CNTNAP5: variants seen among roughly 807,000 people sequenced by gnomAD.
CNTNAP5 encodes the protein contactin-associated protein-like 5.
In CNTNAP5, 72 loss-of-function variants were observed where a neutral mutation model predicts 150.2. That is an observed-to-expected ratio of 0.48 (90% CI 0.40 to 0.58). CNTNAP5 has a LOEUF of 0.58. Ranked by LOEUF, CNTNAP5 falls within the 20% of genes least tolerant of loss-of-function variation. The probability of loss-of-function intolerance (pLI) is 0.00; values close to 1 mark genes in which losing one functional copy is unlikely to be tolerated. For missense variants in CNTNAP5, 1,636 were observed against 1,626.2 expected (o/e 1.01, Z -0.10); for synonymous variants, 672 against 619.8 (o/e 1.08, Z -1.25).
At chr2:124,131,541 A>G (rs991005541) in intron 1 of CNTNAP5, among the ~76,000 whole-genome samples, 2 of 152,144 alleles carry the variant, frequency 1.3e-5, no homozygotes, top group African/African-American at 4.8e-5. Flanking sequence ...TGTTTCAGCA[A>G]ATTCAATGAT....
chr2:124,401,662 A>C (rs767001984), intron 3 of CNTNAP5, among the ~76,000 whole-genome samples: 11 of 152,242 alleles, frequency 7.2e-5, no homozygotes, highest in Non-Finnish European at 1.2e-4. Flanking sequence ...CTTGACTTTC[A>C]ATAAATTCTA....
chr2:124,308,334 G>T (rs1041241339), intron 3 of CNTNAP5, among the ~76,000 whole-genome samples: 4 of 152,006 alleles, frequency 2.6e-5, no homozygotes, highest in Non-Finnish European at 5.9e-5. Context: ...CCCTGCCCTG[G>T]TTTCTAACAT....
chr2:124,557,369 T>G (rs912946390), intron 10 of CNTNAP5, among the ~76,000 whole-genome samples: 14 of 152,212 alleles, frequency 9.2e-5, no homozygotes, highest in African/African-American at 3.4e-4. Context: ...GCCTGCCCTC[T>G]TTCCTACTGA....
intron 11 of CNTNAP5, among the ~76,000 whole-genome samples, chr2:124,567,828 G>T (rs1438323856): frequency 6.8e-6 from 1 of 146,954 alleles, no homozygotes; most frequent in African/African-American, 2.5e-5. Context: ...GGATATTAGG[G>T]CATAGATGAT....
rs1391122026 is a variant in CNTNAP5, at chr2:124,242,315, C to T, written c.303C>T (p.Asp101=). 1 of 1,613,054 alleles carries T rather than the reference C, an allele frequency of 6.2e-7. No individual in the cohort carries two copies. The highest frequency in any genetic ancestry group is 8.5e-7 in the Non-Finnish European group (1 of 1,179,664). ...VATQGRYGSS[D]WVTSYSLMFS... is the part of the protein sequence containing the mutation. ...CGCAGGGAAGATACGGAAGCTCTGA[C>T]TGGGTGACGAGTTACAGCCTGATGT... Residue 101 remains aspartate (D), a synonymous_variant, in exon 3 of 24, where the codon GAC becomes GAT. Coordinates refer to ENST00000682447, the MANE Select transcript of CNTNAP5 (RefSeq NM_001367498.1).
chr2:124,625,461 A>G (rs1352837126), intron 12 of CNTNAP5, among the ~76,000 whole-genome samples: 1 of 152,222 alleles, frequency 6.6e-6, no homozygotes, highest in Non-Finnish European at 1.5e-5. Context: ...ATAGTATAGT[A>G]TACATAGTAT....
At chr2:124,839,446 T>TCTCC (rs1558795889) in intron 19 of CNTNAP5, among the ~76,000 whole-genome samples, 1 of 151,336 alleles carries the variant, frequency 6.6e-6, no homozygotes, top group African/African-American at 2.4e-5. Flanking sequence ...TCTCTCTCTC[T>TCTCC]CCCTTTCCCC....
At chr2:124,334,150 G>A (rs780226448) in intron 3 of CNTNAP5, among the ~76,000 whole-genome samples, 15 of 152,098 alleles carry the variant, frequency 9.9e-5, no homozygotes, top group Admixed American at 2.0e-4. Flanking sequence ...TGCCTTTTCT[G>A]TGTTCCTTAA....
intron 6 of CNTNAP5, among the ~76,000 whole-genome samples, chr2:124,471,347 T>C (rs573991942): frequency 6.6e-6 from 1 of 152,280 alleles, no homozygotes; most frequent in African/African-American, 2.4e-5. Context: ...AGGTAGTTCA[T>C]TATGATTTGG....
At chr2:124,191,654 G>A (rs1031546033) in intron 1 of CNTNAP5, among the ~76,000 whole-genome samples, 27 of 152,104 alleles carry the variant, frequency 1.8e-4, no homozygotes, top group Admixed American at 2.0e-4. Context: ...AGTGGCTCAT[G>A]CCTGTAATCC....
rs150981419 is a variant in CNTNAP5, at chr2:124,285,349, T to G, written c.381+42956T>G. On this transcript the variant is annotated intron_variant, in intron 3 of 23. Coordinates refer to ENST00000682447, the MANE Select transcript of CNTNAP5 (RefSeq NM_001367498.1). ...GAGCTCCCTTTTCATAGAGTTATCT[T>G]AAGAAGCGAGATTAACTATATACTA... 3.3e-5 allele frequency among the ~76,000 whole-genome samples: 5 copies of G among 152,252 alleles called. No individual in the cohort carries two copies. In the East Asian group the frequency reaches 9.7e-4, roughly 29 times the overall value.
intron 1 of CNTNAP5, among the ~76,000 whole-genome samples, chr2:124,027,810 G>T (rs566688780): frequency 1.3e-5 from 2 of 152,214 alleles, no homozygotes; most frequent in South Asian, 4.1e-4. Flanking sequence ...AATTATTAAT[G>T]ATCATTATGC....
intron 3 of CNTNAP5, among the ~76,000 whole-genome samples, chr2:124,248,518 G>A (rs756072410): frequency 1.3e-5 from 2 of 152,196 alleles, no homozygotes; most frequent in Non-Finnish European, 2.9e-5. Flanking sequence ...GGAAAAACTG[G>A]CCAATCAGCA....
intron 6 of CNTNAP5, among the ~76,000 whole-genome samples, chr2:124,469,629 T>G (rs549410376): frequency 6.6e-6 from 1 of 152,238 alleles, no homozygotes; most frequent in East Asian, 1.9e-4. Flanking sequence ...GTTTGTCACA[T>G]AGGTAAACAT....
chr2:124,240,039 G>C (rs1686847014), intron 2 of CNTNAP5, among the ~76,000 whole-genome samples: 1 of 152,052 alleles, frequency 6.6e-6, no homozygotes, highest in African/African-American at 2.4e-5. Context: ...CAAATAGCTG[G>C]ATTTACCCTA....
rs1278688544 is a variant in CNTNAP5, at chr2:124,796,347, G to C, written c.2993-1749G>C. Among the ~76,000 whole-genome samples, 5 of 152,038 alleles carry C rather than the reference G, an allele frequency of 3.3e-5. 1 individual carries two copies. Among genetic ancestry groups the C allele is most frequent in the African/African-American group, 4.8e-5 (2 of 41,390 alleles). On this transcript the variant is annotated intron_variant, in intron 18 of 23. Coordinates refer to ENST00000682447, the MANE Select transcript of CNTNAP5 (RefSeq NM_001367498.1). ...GCACACACACAAATATCAAATAAAA[G>C]TCCTTTATTTTGTTAACTAGGAGGC...
intron 14 of CNTNAP5, among the ~76,000 whole-genome samples, chr2:124,752,265 G>A (rs1299101827): frequency 1.3e-5 from 2 of 151,976 alleles, no homozygotes; most frequent in African/African-American, 2.4e-5. Flanking sequence ...TTGTTGCCCA[G>A]GCTGTTCTTG....
intron 17 of CNTNAP5, among the ~76,000 whole-genome samples, chr2:124,788,824 A>T (rs190041299): frequency 1.5e-3 from 232 of 151,992 alleles, no homozygotes; most frequent in Non-Finnish European, 2.5e-3. Context: ...GTAGAAATGG[A>T]GTTTCACCAT....
intron 1 of CNTNAP5, among the ~76,000 whole-genome samples, chr2:124,106,096 A>G (rs543044913): frequency 3.3e-5 from 5 of 151,832 alleles, no homozygotes; most frequent in Admixed American, 6.5e-5. Flanking sequence ...TTTTCTTTAT[A>G]CAAGTTATCA....
Sources: gnomAD v4.1 joint callset for allele counts (sites outside exome capture counted in the v4.1 genomes callset) on GRCh38, gnomAD v4.1.1 for gene constraint, MANE v1.5 for transcripts, NCBI Gene and HGNC (gene_info 2026-07-23, HGNC 2026-07-21) for gene names.